Variants in ZNF280C observed in about 807,000 individuals in gnomAD.
The protein encoded by ZNF280C is zinc finger protein 280C, also known as suppressor of hairy wing homolog 3.
In ZNF280C, 14 loss-of-function variants were observed where a neutral mutation model predicts 53.6. The observed-to-expected ratio is 0.26, with a 90% CI of 0.17 to 0.41. The LOEUF (loss-of-function observed/expected upper bound fraction) is 0.41. Among genes scored for constraint, ZNF280C ranks in the 10% least tolerant of loss-of-function variants. The pLI is 1.00. For missense variants in ZNF280C, 416 were observed against 547.1 expected (o/e 0.76, Z 2.39); for synonymous variants, 203 against 181.1 (o/e 1.12, Z -0.97).
At chrX:130,206,655 C>T (rs183860242) in intron 16 of ZNF280C, among the ~76,000 whole-genome samples, 6 of 111,830 alleles carry the variant, frequency 5.4e-5, no homozygotes, top group Admixed American at 4.7e-4. Context: ...CGTAAGCCAC[C>T]GTGCCTGGCT....
chrX:130,208,118 T>C lies in ZNF280C; in HGVS notation c.2042+1535A>G, dbSNP rs769943585. Among the ~76,000 whole-genome samples the C allele has an allele frequency of 1.1e-4, 12 of 112,198 alleles. No individual in the cohort carries two copies. The South Asian group carries it at 4.4e-3, about 41-fold the overall frequency. Reference sequence around the variant, plus strand: ...GTTTATAGAAATACAAAATGCTATGTCCATACACAGATTTTTTTAAAAAAA... The same window carrying C: ...GTTTATAGAAATACAAAATGCTATGCCCATACACAGATTTTTTTAAAAAAA... On this transcript the variant is annotated intron_variant, in intron 16 of 18. Coordinates refer to ENST00000370978, the MANE Select transcript of ZNF280C (RefSeq NM_017666.5).
At position 130,240,436 on chromosome X, in the gene ZNF280C, G is replaced by T. The variant is rs760521830; in HGVS notation, c.382-743C>A. 1.7e-3 allele frequency among the ~76,000 whole-genome samples: 187 copies of T among 111,734 alleles called. 1 individual carries two copies. The highest frequency in any genetic ancestry group is 6.0e-3 in the African/African-American group (184 of 30,902). On this transcript the variant is annotated intron_variant, in intron 5 of 18. Coordinates refer to ENST00000370978, the MANE Select transcript of ZNF280C (RefSeq NM_017666.5). The stretch of plus-strand genomic sequence containing the variant: ...TAATGAGGATATAAAGATTTTGCTT[G>T]CTTGTTTTGTGCTTACACTTTGAGA...
chrX:130,256,476 C>G (rs757230112), intron 2 of ZNF280C, among the ~76,000 whole-genome samples: 1 of 110,522 alleles, frequency 9.0e-6, no homozygotes, highest in African/African-American at 3.3e-5. Context: ...CCCAGCTACA[C>G]GGGAGGCAGA....
intron 2 of ZNF280C, among the ~76,000 whole-genome samples, chrX:130,256,637 A>G (rs770278300): frequency 9.0e-6 from 1 of 110,842 alleles, no homozygotes; most frequent in East Asian, 2.8e-4. Context: ...TCACGACCTT[A>G]ATCCCAGCAC....
chrX:130,219,735 ATATCT>A (rs1300040477), intron 13 of ZNF280C, among the ~76,000 whole-genome samples: 1 of 109,836 alleles, frequency 9.1e-6, no homozygotes, highest in South Asian at 3.9e-4. Flanking sequence ...CTGATCTTAA[ATATCT>A]TATAGTCTAG....
At chrX:130,239,744 T>C (rs982724598) in intron 5 of ZNF280C, 51 bp from the exon 6 acceptor site, 5 of 702,406 alleles carry the variant, frequency 7.1e-6, no homozygotes, top group Non-Finnish European at 1.1e-5. Flanking sequence ...AGAGATAAAT[T>C]TAGCTGTATG....
intron 16 of ZNF280C, among the ~76,000 whole-genome samples, chrX:130,206,937 T>G: frequency 8.9e-6 from 1 of 112,227 alleles, no homozygotes; most frequent in Admixed American, 9.4e-5. Flanking sequence ...GTTTTAGACA[T>G]TATTGCCTGA....
In ZNF280C at chrX:130,204,777, A is replaced by AT; in HGVS notation, c.*199dup. On this transcript the variant is annotated 3_prime_UTR_variant, in exon 19 of 19. Transcript: ENST00000370978. Reference sequence around the variant, plus strand: ...CAACTGGAGAAAAAAATATGTTAAGATATGTTAACCTGACGCAAAGATAAG... The same window carrying AT: ...CAACTGGAGAAAAAAATATGTTAAGATTATGTTAACCTGACGCAAAGATAAG... 3.0e-6 allele frequency: 1 copy of AT among 333,669 alleles called. No homozygotes were observed. The highest frequency in any genetic ancestry group is 4.9e-5 in the Admixed American group (1 of 20,276). 27.5% of individuals were successfully genotyped at this position (333,669 alleles called of 1,213,427 possible).
At chrX:130,265,127 C>T (rs756040175) in intron 1 of ZNF280C, among the ~76,000 whole-genome samples, 15 of 111,830 alleles carry the variant, frequency 1.3e-4, no homozygotes, top group Admixed American at 3.8e-4. Flanking sequence ...TTTGAGAAGA[C>T]ATTTAATAAC....
Position 130,215,331 on chromosome X carries a change from C to T in ZNF280C, c.1841G>A (p.Cys614Tyr). The change falls in exon 15 of 19, where the codon TGT becomes TAT. Residue 614 changes from cysteine (C) to tyrosine (Y), a missense_variant and splice_region_variant. By Grantham distance (194) the Cys-to-Tyr change is radical. Around this residue, in one of 3 missense-constraint regions of ZNF280C, gnomAD observed 151 missense variants for 176.9 expected, o/e 0.85. Coordinates refer to ENST00000370978, the MANE Select transcript of ZNF280C (RefSeq NM_017666.5). Reference protein sequence around the residue: ...KMSLALKNIRCRRGIHKCIEC... With the variant: ...KMSLALKNIRYRRGIHKCIEC... ...AATGCACTTGTGAATTCCCCGACGA[C>T]ACCTTATGGAGACGGAAAAAAAAGA... The T allele has an allele frequency of 8.6e-7, 1 of 1,160,470 alleles. No homozygotes were observed. The highest frequency in any genetic ancestry group is 1.1e-6 in the Non-Finnish European group (1 of 872,391).
intron 2 of ZNF280C, among the ~76,000 whole-genome samples, chrX:130,248,102 G>A (rs1382757503): frequency 1.0e-5 from 1 of 97,977 alleles, no homozygotes; most frequent in Non-Finnish European, 2.0e-5. Context: ...AAAGAAAACC[G>A]ACAGCCAGGC....
chrX:130,230,672 C>T lies in ZNF280C; in HGVS notation c.827G>A (p.Arg276His), dbSNP rs775978314. The part of the protein sequence containing the change: ...KFLGVIVKSE[R>H]PCDEDKTDSE... ...ATCAGTCTTGTCTTCATCACATGGACGTTCTGATTTAACAATTACTCCCAA... is the reference window on the plus strand; with the variant it reads ...ATCAGTCTTGTCTTCATCACATGGATGTTCTGATTTAACAATTACTCCCAA... Residue 276 changes from arginine to histidine, a missense_variant, in exon 9 of 19, where the codon CGT becomes CAT. Transcript: ENST00000370978. 13 of 1,206,661 alleles carry T rather than the reference C, an allele frequency of 1.1e-5. No individual in the cohort carries two copies. Among genetic ancestry groups the T allele is most frequent in the Admixed American group, 4.4e-5 (2 of 45,442 alleles).
At chrX:130,227,607 TC>T (rs1258376364) in intron 11 of ZNF280C, 74 bp downstream of exon 11, 1 of 784,205 alleles carries the variant, frequency 1.3e-6, no homozygotes, top group Non-Finnish European at 1.9e-6. Context: ...CTTTAAAAAA[TC>T]AAAAGAACAA....
At chrX:130,224,460 C>T (rs2032200323) in intron 12 of ZNF280C, among the ~76,000 whole-genome samples, 1 of 111,839 alleles carries the variant, frequency 8.9e-6, no homozygotes, top group Non-Finnish European at 1.9e-5. Context: ...TCAGACTACT[C>T]CCAGATGTGA....
chrX:130,247,482 C>A (rs770849655), intron 2 of ZNF280C, among the ~76,000 whole-genome samples: 8 of 111,689 alleles, frequency 7.2e-5, no homozygotes, highest in Non-Finnish European at 1.3e-4. Context: ...GACCCTCCCC[C>A]ACCCTGAGCG....
At chrX:130,222,635 G>A (rs1020584847) in intron 12 of ZNF280C, among the ~76,000 whole-genome samples, 1 of 112,149 alleles carries the variant, frequency 8.9e-6, no homozygotes, top group Non-Finnish European at 1.9e-5. Context: ...ATGTATGTAT[G>A]CTTGCATTGT....
rs764488144 is a variant in ZNF280C, at chrX:130,241,031, C to T, written c.382-1338G>A. 5.4e-5 allele frequency among the ~76,000 whole-genome samples: 6 copies of T among 111,448 alleles called. No homozygotes were observed. The South Asian group carries it at 1.1e-3, about 21-fold the overall frequency. ...TATAAATAGGTAAACTAAAATTTCT[C>T]GTAGTTAAGGTTCCCAGTACAACCC... On this transcript the variant is annotated intron_variant, in intron 5 of 18. Coordinates refer to ENST00000370978, the MANE Select transcript of ZNF280C (RefSeq NM_017666.5).
Position 130,216,074 on chromosome X carries a change from G to A in ZNF280C, c.1555C>T (p.Leu519Phe). 2 of 1,209,736 alleles carry A rather than the reference G, an allele frequency of 1.7e-6. No individual in the cohort carries two copies. The highest frequency in any genetic ancestry group is 2.2e-6 in the Non-Finnish European group (2 of 894,398). Residue 519 changes from leucine (L) to phenylalanine (F), a missense_variant, in exon 14 of 19, where the codon CTC becomes TTC. Physicochemically the swap from Leu to Phe is conservative, Grantham distance 22. Coordinates refer to ENST00000370978, the MANE Select transcript of ZNF280C (RefSeq NM_017666.5). ...KVTIRASLGP[L>F]QSKLPTAPFG... ...GGTGCAGTTGGTAATTTTGACTGGA[G>A]AGGTCCAAGTGAAGCTCGAATAGTA...
At chrX:130,264,836 A>G (rs985390737) in intron 1 of ZNF280C, among the ~76,000 whole-genome samples, 55 of 111,726 alleles carry the variant, frequency 4.9e-4, no homozygotes, top group Middle Eastern at 4.7e-3. Context: ...GAACTCTGAG[A>G]ATGTTTCAAA....
Sources: gnomAD v4.1 joint callset for allele counts (sites outside exome capture counted in the v4.1 genomes callset) on GRCh38, gnomAD v4.1.1 for gene constraint, gnomAD v4.1.1 regional missense constraint, MANE v1.5 for transcripts, NCBI Gene and HGNC (gene_info 2026-07-23, HGNC 2026-07-21) for gene names.